JAKMIP1: variants seen among roughly 807,000 people sequenced by gnomAD.
JAKMIP1 encodes the protein janus kinase and microtubule interacting protein 1.
JAKMIP1 carries 33 observed loss-of-function variants against 113.0 expected under a neutral mutation model. The observed-to-expected ratio is 0.29, with a 90% CI of 0.22 to 0.39. The LOEUF (loss-of-function observed/expected upper bound fraction) is 0.39, where lower values mean the gene tolerates loss of function less well. Among genes scored for constraint, JAKMIP1 ranks in the 10% least tolerant of loss-of-function variants. The pLI is 1.00. For synonymous variants in JAKMIP1, 480 were observed against 459.9 expected, an observed-to-expected ratio of 1.04 and a Z score of -0.56; for missense variants, 813 against 1,080.5, an observed-to-expected ratio of 0.75 and a Z score of 3.47.
chr4:6,086,065 AC>A lies in JAKMIP1; in HGVS notation c.625-437del, dbSNP rs1413144089. Among the ~76,000 whole-genome samples the A allele has an allele frequency of 6.6e-6, 1 of 151,116 alleles. No individual in the cohort carries two copies. Among genetic ancestry groups the A allele is most frequent in the Non-Finnish European group, 1.5e-5 (1 of 67,822 alleles). ...TGGCCACAACTCCCCAACCCTCACC[AC>A]CAGACAGCTCCTGCCAAGGTCACCA... is the stretch of plus-strand genomic sequence containing the variant. On this transcript the variant is annotated intron_variant, in intron 3 of 20. Coordinates refer to ENST00000409021, the MANE Select transcript of JAKMIP1 (RefSeq NM_001099433.2). The surrounding 1 kb of genome is among the most constrained non-coding windows in gnomAD (Gnocchi z 4.1).
intron 18 of JAKMIP1, among the ~76,000 whole-genome samples, chr4:6,037,824 C>G (rs1278709222): frequency 1.3e-5 from 2 of 151,086 alleles, no homozygotes; most frequent in South Asian, 4.3e-4. Context: ...AACCGGTAGC[C>G]CTCCATCACC....
At position 6,145,633 on chromosome 4, in the gene JAKMIP1, T is replaced by C. The variant is rs190636238; in HGVS notation, c.-147-32636A>G. On this transcript the variant is annotated intron_variant, in intron 1 of 20. Transcript: ENST00000409021. ...CAATAGCCAAGAGGTGGAAACAACCTATATTTGTGTGCTAGGCTGCTACAA... is the reference window on the plus strand; with the variant it reads ...CAATAGCCAAGAGGTGGAAACAACCCATATTTGTGTGCTAGGCTGCTACAA... 3.9e-5 allele frequency among the ~76,000 whole-genome samples: 6 copies of C among 152,322 alleles called. No homozygotes were observed. In the East Asian group the frequency reaches 9.6e-4, roughly 24 times the overall value.
In JAKMIP1 at chr4:6,112,858, CT is replaced by C; in HGVS notation, c.-9del. 6.2e-7 allele frequency: 1 copy of C among 1,613,220 alleles called. No individual in the cohort carries two copies. Among genetic ancestry groups the C allele is most frequent in the South Asian group, 1.1e-5 (1 of 91,030 alleles). The stretch of plus-strand genomic sequence containing the variant: ...CCGGCCTTTCTTCGACATGCTTCCC[CT>C]TGGGTCAGAGTGCTGAGATCCTGCG... On this transcript the variant is annotated 5_prime_UTR_variant, in exon 2 of 21. Coordinates refer to ENST00000409021, the MANE Select transcript of JAKMIP1 (RefSeq NM_001099433.2).
rs959840482 is a variant in JAKMIP1, at chr4:6,108,276, C to G, written c.130-2309G>C. 6.6e-6 allele frequency among the ~76,000 whole-genome samples: 1 copy of G among 152,090 alleles called. No individual in the cohort carries two copies. Among genetic ancestry groups the G allele is most frequent in the African/African-American group, 2.4e-5 (1 of 41,430 alleles). On this transcript the variant is annotated intron_variant, in intron 2 of 20. Coordinates refer to ENST00000409021, the MANE Select transcript of JAKMIP1 (RefSeq NM_001099433.2). The surrounding 1 kb of genome is among the most constrained non-coding windows in gnomAD (Gnocchi z 5.6). Reference sequence around the variant, plus strand: ...TGACCTCTGATGGGCACAGAGCACTCCCTCCCACCACCACTCCATCCAGCT... The same window carrying G: ...TGACCTCTGATGGGCACAGAGCACTGCCTCCCACCACCACTCCATCCAGCT...
At chr4:6,171,798 G>A (rs1299954642) in intron 1 of JAKMIP1, among the ~76,000 whole-genome samples, 4 of 152,292 alleles carry the variant, frequency 2.6e-5, no homozygotes, top group Admixed American at 6.5e-5. Context: ...AGGCTCGTTC[G>A]TTGGCTGAAT....
intron 8 of JAKMIP1, among the ~76,000 whole-genome samples, chr4:6,068,374 G>A (rs1718469490): frequency 6.6e-6 from 1 of 152,096 alleles, no homozygotes; most frequent in South Asian, 2.1e-4. Flanking sequence ...CTGCTTTGAG[G>A]GAAAGAGGAA....
chr4:6,043,992 T>C (rs887843556), intron 16 of JAKMIP1, among the ~76,000 whole-genome samples: 1 of 151,986 alleles, frequency 6.6e-6, no homozygotes, highest in East Asian at 2.0e-4. Context: ...AGCCTTTCCA[T>C]GTGCTGTCCC....
At chr4:6,196,484 G>T (rs950550070) in intron 1 of JAKMIP1, among the ~76,000 whole-genome samples, 5 of 152,194 alleles carry the variant, frequency 3.3e-5, no homozygotes, top group African/African-American at 1.2e-4. Context: ...CCAGCCCTGG[G>T]GTCACTGTCT....
chr4:6,162,034 C>G lies in JAKMIP1; in HGVS notation c.-148+38219G>C, dbSNP rs934078669. On this transcript the variant is annotated intron_variant, in intron 1 of 20. Transcript: ENST00000409021. This position sits in a 1 kb window ranked among gnomAD's most constrained non-coding sequence, Gnocchi z 5.6. ...GTACATGGTGCCTCCTTGATGGAGC[C>G]GAGCAGGAAGGAAAGGGGTGGATTG... 6.6e-6 allele frequency among the ~76,000 whole-genome samples: 1 copy of G among 152,078 alleles called. No individual in the cohort carries two copies. Among genetic ancestry groups the G allele is most frequent in the East Asian group, 1.9e-4 (1 of 5,188 alleles).
chr4:6,074,354 G>GA (rs1258538590), intron 8 of JAKMIP1, among the ~76,000 whole-genome samples: 1 of 152,248 alleles, frequency 6.6e-6, no homozygotes, highest in African/African-American at 2.4e-5. Flanking sequence ...CTTTCTGACA[G>GA]AAAGTCAGGA....
chr4:6,193,159 C>A lies in JAKMIP1; in HGVS notation c.-148+7094G>T, dbSNP rs940010265. ...CTGGATGCTTCCTGCCCTCGGACATCAGACTGCAAGTTCTTCAGCTTTTGG... is the reference window on the plus strand; with the variant it reads ...CTGGATGCTTCCTGCCCTCGGACATAAGACTGCAAGTTCTTCAGCTTTTGG... On this transcript the variant is annotated intron_variant, in intron 1 of 20. Transcript: ENST00000409021. This position sits in a 1 kb window ranked among gnomAD's most constrained non-coding sequence, Gnocchi z 6.4. Among the ~76,000 whole-genome samples, 2 of 152,170 alleles carry A rather than the reference C, an allele frequency of 1.3e-5. No individual in the cohort carries two copies. The highest frequency in any genetic ancestry group is 3.9e-4 in the East Asian group (2 of 5,172).
rs201784962 is a variant in JAKMIP1, at chr4:6,169,603, T to TGTGTGTGTGTGTGTG, written c.-148+30649_-148+30650insCACACACACACACAC. 4.5e-3 allele frequency among the ~76,000 whole-genome samples: 618 copies of TGTGTGTGTGTGTGTG among 137,362 alleles called. 7 individuals carry two copies. The highest frequency in any genetic ancestry group is 0.025 in the Admixed American group (364 of 14,578). 90.1% of individuals were successfully genotyped at this position (137,362 alleles called of 152,430 possible). On this transcript the variant is annotated intron_variant, in intron 1 of 20. Transcript: ENST00000409021. ...AATTTGTTACACCAGCCCTAGGAAATTGTGTGTGTGTGTGTGTGTGTGTGT... is the reference window on the plus strand; with the variant it reads ...AATTTGTTACACCAGCCCTAGGAAATGTGTGTGTGTGTGTGTGTGTGTGTGTGTGTGTGTGTGTGT...
At chr4:6,177,842 C>CAGAGGG (rs1427313095) in intron 1 of JAKMIP1, among the ~76,000 whole-genome samples, 2 of 152,232 alleles carry the variant, frequency 1.3e-5, no homozygotes, top group African/African-American at 4.8e-5. Flanking sequence ...TGAGCCTCTG[C>CAGAGGG]ACACGCTGCA....
intron 2 of JAKMIP1, among the ~76,000 whole-genome samples, chr4:6,111,254 C>CTCCA (rs1472863641): frequency 6.6e-6 from 1 of 152,200 alleles, no homozygotes; most frequent in Non-Finnish European, 1.5e-5. Context: ...AGCCTCCACC[C>CTCCA]GTCACTCCAG....
intron 1 of JAKMIP1, among the ~76,000 whole-genome samples, chr4:6,170,010 C>CA (rs1724198084): frequency 9.4e-5 from 12 of 127,072 alleles, no homozygotes; most frequent in African/African-American, 2.9e-4. Context: ...CCACCACCAC[C>CA]CTCACCACCA....
intron 1 of JAKMIP1, among the ~76,000 whole-genome samples, chr4:6,127,679 C>T (rs551902253): frequency 6.6e-6 from 1 of 152,190 alleles, no homozygotes; most frequent in Admixed American, 6.5e-5. Flanking sequence ...CAGGCCACAT[C>T]CCCCCTTCAC....
At chr4:6,029,969 C>T (rs556928602) in intron 19 of JAKMIP1, among the ~76,000 whole-genome samples, 188 bp from the exon 20 acceptor site, 2 of 152,304 alleles carry the variant, frequency 1.3e-5, no homozygotes, top group East Asian at 1.9e-4. Flanking sequence ...AGCATCCCAG[C>T]TCCCAGGAGG....
intron 1 of JAKMIP1, among the ~76,000 whole-genome samples, chr4:6,174,064 A>C (rs1560324446): frequency 1.3e-5 from 2 of 152,208 alleles, no homozygotes; most frequent in Non-Finnish European, 2.9e-5. Flanking sequence ...ATATACATAC[A>C]TACGTACATA....
rs1202664827 is a variant in JAKMIP1 at position 6,141,955 on chromosome 4, A to G, written c.-147-28958T>C. 1.3e-5 allele frequency among the ~76,000 whole-genome samples: 2 copies of G among 152,210 alleles called. No individual in the cohort carries two copies. Among genetic ancestry groups the G allele is most frequent in the Non-Finnish European group, 2.9e-5 (2 of 68,044 alleles). On this transcript the variant is annotated intron_variant, in intron 1 of 20. Transcript: ENST00000409021. This position sits in a 1 kb window ranked among gnomAD's most constrained non-coding sequence, Gnocchi z 9.4. ...TACTCCAATAAAGAAACTTGGGAGA[A>G]CACAGAAAAGGAAAAGGAAGAGAAA...
Sources: allele counts gnomAD v4.1 joint callset (sites outside exome capture counted in the v4.1 genomes callset), GRCh38; gene constraint gnomAD v4.1.1; non-coding constraint Gnocchi (gnomAD v3.1); transcripts MANE v1.5; gene names NCBI Gene and HGNC (gene_info 2026-07-23, HGNC 2026-07-21).